The following HNF4G variants were observed in gnomAD, a reference collection of about 807,000 sequenced individuals.
The protein encoded by HNF4G is hepatocyte nuclear factor 4-gamma.
HNF4G carries 21 observed loss-of-function variants against 50.9 expected under a neutral mutation model. The observed-to-expected ratio is 0.41, with a 90% CI of 0.29 to 0.59. The LOEUF (loss-of-function observed/expected upper bound fraction) is 0.59. HNF4G is among the 20% of genes least tolerant of loss of function. The pLI, the probability that HNF4G is intolerant of heterozygous loss-of-function variation, is 0.26. For missense variants in HNF4G, 527 were observed against 559.4 expected (o/e 0.94, Z 0.58); for synonymous variants, 198 against 185.6 (o/e 1.07, Z -0.54).
At chr8:75,417,379 A>G (rs967309322) in intron 1 of HNF4G, among the ~76,000 whole-genome samples, 6 of 152,224 alleles carry the variant, frequency 3.9e-5, no homozygotes, top group African/African-American at 1.4e-4. Flanking sequence ...AATTCTTTCA[A>G]TAACTCTATA....
At position 75,544,006 on chromosome 8, in the gene HNF4G, T is replaced by C. The variant is rs781244229; in HGVS notation, c.287+27T>C. 3.2e-6 allele frequency: 5 copies of C among 1,545,986 alleles called. No homozygotes were observed. In the South Asian group the frequency reaches 6.0e-5, roughly 19 times the overall value. On this transcript the variant is annotated intron_variant, in intron 2 of 9. Coordinates refer to ENST00000396423, the MANE Select transcript of HNF4G (RefSeq NM_004133.5). ...TACTTTAAATGCCCTTTTAGGCAAG[T>C]TATCTTTACAGATGTTTCAGTTTGG...
chr8:75,530,180 G>A (rs939576924), intron 2 of HNF4G, among the ~76,000 whole-genome samples: 5 of 152,134 alleles, frequency 3.3e-5, no homozygotes, highest in Admixed American at 6.5e-5. Flanking sequence ...CTAGGCCTCC[G>A]GGAAAATAGC....
At chr8:75,548,434 G>T (rs1383547124) in intron 3 of HNF4G, among the ~76,000 whole-genome samples, 1 of 152,012 alleles carries the variant, frequency 6.6e-6, no homozygotes, top group Non-Finnish European at 1.5e-5. Context: ...TGTTCTAGGT[G>T]CTAAAGCTTC....
At chr8:75,423,820 T>C (rs1218123266) in intron 1 of HNF4G, among the ~76,000 whole-genome samples, 10 of 114,160 alleles carry the variant, frequency 8.8e-5, no homozygotes, top group East Asian at 5.2e-4. Flanking sequence ...TCTTTCTTTT[T>C]TTTTTTTTTT....
At chr8:75,528,487 A>G (rs937491887) in intron 2 of HNF4G, among the ~76,000 whole-genome samples, 5 of 152,198 alleles carry the variant, frequency 3.3e-5, no homozygotes, top group African/African-American at 9.6e-5. Context: ...AGGCATTTTT[A>G]GTACTCTATC....
In HNF4G at chr8:75,565,725, G is replaced by A. The variant is rs923522833; in HGVS notation, c.*1629G>A. On this transcript the variant is annotated 3_prime_UTR_variant, in exon 10 of 10. Transcript: ENST00000396423. ...TAATCTTTCTCAGGATTTTTTAAATGTCTAAGATTATGATGTCATATCTCC... is the reference window on the plus strand; with the variant it reads ...TAATCTTTCTCAGGATTTTTTAAATATCTAAGATTATGATGTCATATCTCC... 2.6e-5 allele frequency: 4 copies of A among 152,052 alleles called. No homozygotes were observed. Among genetic ancestry groups the A allele is most frequent in the Non-Finnish European group, 4.4e-5 (3 of 68,012 alleles). The allele number at this position is 152,052 out of a possible 1,614,324, so 9.4% of individuals were successfully genotyped here.
At chr8:75,477,501 T>C (rs941621901) in intron 1 of HNF4G, among the ~76,000 whole-genome samples, 1 of 152,106 alleles carries the variant, frequency 6.6e-6, no homozygotes, top group Non-Finnish European at 1.5e-5. Flanking sequence ...AGAAGGGCAA[T>C]GGAAATTTAC....
intron 1 of HNF4G, among the ~76,000 whole-genome samples, chr8:75,486,766 G>A (rs1446391678): frequency 2.0e-5 from 3 of 152,172 alleles, no homozygotes; most frequent in Non-Finnish European, 4.4e-5. Flanking sequence ...CGCTTCGGGA[G>A]GTTGAGCCGG....
chr8:75,512,073 G>T (rs912505124), intron 2 of HNF4G, among the ~76,000 whole-genome samples: 1 of 152,016 alleles, frequency 6.6e-6, no homozygotes, highest in South Asian at 2.1e-4. Context: ...GAATGATTTT[G>T]TTAATATTAT....
chr8:75,410,400 TCC>T (rs1295852847), intron 1 of HNF4G, among the ~76,000 whole-genome samples: 1 of 152,096 alleles, frequency 6.6e-6, no homozygotes, highest in Non-Finnish European at 1.5e-5. Context: ...TATAAACCAG[TCC>T]CAGAACATCT....
At chr8:75,419,857 A>G (rs1810737618) in intron 1 of HNF4G, among the ~76,000 whole-genome samples, 1 of 152,240 alleles carries the variant, frequency 6.6e-6, no homozygotes, top group Non-Finnish European at 1.5e-5. Context: ...ATCAGGTCCT[A>G]GCTATTTAAC....
intron 1 of HNF4G, among the ~76,000 whole-genome samples, chr8:75,469,572 A>C (rs1326449341): frequency 6.6e-6 from 1 of 152,178 alleles, no homozygotes; most frequent in Admixed American, 6.5e-5. Context: ...GAAGTGGCAG[A>C]AGACAGAGAA....
At chr8:75,545,850 G>A (rs1169094452) in intron 2 of HNF4G, among the ~76,000 whole-genome samples, 8 of 151,984 alleles carry the variant, frequency 5.3e-5, no homozygotes, top group Non-Finnish European at 5.9e-5. Context: ...AATAATATGT[G>A]TATTCAATTT....
chr8:75,409,606 A>G (rs937760063), intron 1 of HNF4G, among the ~76,000 whole-genome samples: 1 of 147,848 alleles, frequency 6.8e-6, no homozygotes, highest in Admixed American at 7.0e-5. Flanking sequence ...CTCCTTCCTC[A>G]GCCTCCAGAG....
At chr8:75,526,515 C>CTTCTCCT (rs1946889094) in intron 2 of HNF4G, among the ~76,000 whole-genome samples, 1 of 151,376 alleles carries the variant, frequency 6.6e-6, no homozygotes, top group African/African-American at 2.4e-5. Flanking sequence ...TCTCCTTCTC[C>CTTCTCCT]TTCTCCTTTC....
chr8:75,544,481 A>G (rs369003560), intron 2 of HNF4G, among the ~76,000 whole-genome samples: 2 of 152,326 alleles, frequency 1.3e-5, no homozygotes, highest in South Asian at 4.1e-4. Flanking sequence ...GAAAGTGCAG[A>G]TGATTTTGGT....
intron 1 of HNF4G, among the ~76,000 whole-genome samples, chr8:75,454,885 C>T (rs1811682585): frequency 6.6e-6 from 1 of 152,152 alleles, no homozygotes; most frequent in Admixed American, 6.6e-5. Flanking sequence ...TATCATTAAA[C>T]CTATTTTTGA....
intron 1 of HNF4G, among the ~76,000 whole-genome samples, chr8:75,442,862 T>A (rs1038535742): frequency 1.3e-5 from 2 of 152,008 alleles, no homozygotes; most frequent in African/African-American, 4.8e-5. Flanking sequence ...CCAGAACAAC[T>A]ATAGAACAAG....
At chr8:75,530,665 G>A (rs1018005690) in intron 2 of HNF4G, among the ~76,000 whole-genome samples, 1 of 152,064 alleles carries the variant, frequency 6.6e-6, no homozygotes, top group Non-Finnish European at 1.5e-5. Flanking sequence ...GGTCCCTATG[G>A]AGATCTAAAT....
Sources: allele counts gnomAD v4.1 joint callset (sites outside exome capture counted in the v4.1 genomes callset), GRCh38; gene constraint gnomAD v4.1.1; transcripts MANE v1.5; gene names NCBI Gene and HGNC (gene_info 2026-07-23, HGNC 2026-07-21).